The following PRL variants were observed in gnomAD, a reference collection of about 807,000 sequenced individuals.
PRL encodes decidual prolactin.
In PRL, 24 loss-of-function variants were observed where a neutral mutation model predicts 21.3. The ratio of observed to expected loss-of-function variants is 1.13; its 90% CI spans 0.82 to 1.59. The LOEUF is 1.59. Among genes scored for constraint, PRL ranks in the 40% most tolerant of loss-of-function variants. The pLI is 0.00. For missense variants in PRL, 243 were observed against 286.9 expected (o/e 0.85, Z 1.10); for synonymous variants, 118 against 115.7 (o/e 1.02, Z -0.13).
chr6:22,288,776 C>G lies in PRL; in HGVS notation c.493-1183G>C, dbSNP rs1561752974. Among the ~76,000 whole-genome samples the G allele has an allele frequency of 6.6e-6, 1 of 152,202 alleles. No homozygotes were observed. The highest frequency in any genetic ancestry group is 2.1e-4 in the South Asian group (1 of 4,828). ...GTTTGGAGAGTTATTAGGTATATAT[C>G]TGGATGTAGACGCCGATCTGCTAAA... On this transcript the variant is annotated intron_variant, in intron 4 of 4. Coordinates refer to ENST00000306482, the MANE Select transcript of PRL (RefSeq NM_000948.6). The surrounding 1 kb of genome is among the most constrained non-coding windows in gnomAD (Gnocchi z 4.5).
At chr6:22,294,011 G>T (rs560150564) in intron 2 of PRL, among the ~76,000 whole-genome samples, 89 of 152,284 alleles carry the variant, frequency 5.8e-4, no homozygotes, top group African/African-American at 1.9e-3. Context: ...CCAATTTGCT[G>T]CAGTGCAGTT....
At position 22,294,416 on chromosome 6, in the gene PRL, C is replaced by T. The variant is rs1239511105; in HGVS notation, c.197G>A (p.Ser66Asn). The change falls in exon 2 of 5, where the codon AGC becomes AAC. Residue 66 changes from serine (S) to asparagine (N), a missense_variant. Physicochemically the swap from Ser to Asn is conservative, Grantham distance 46. Coordinates refer to ENST00000306482, the MANE Select transcript of PRL (RefSeq NM_000948.6). ...YIHNLSSEMF[S>N]EFDKRYTHGR... Reference sequence around the variant, plus strand: ...CAGAAGCATGGTACTTACGAATTCGCTGAACATTTCTGAGGAGAGGTTATG... The same window carrying T: ...CAGAAGCATGGTACTTACGAATTCGTTGAACATTTCTGAGGAGAGGTTATG... 6.2e-7 allele frequency: 1 copy of T among 1,614,146 alleles called. No individual in the cohort carries two copies. The highest frequency in any genetic ancestry group is 1.7e-5 in the Admixed American group (1 of 60,018).
At chr6:22,302,504 G>A (rs73391405) in intron 1 of PRL, among the ~76,000 whole-genome samples, 1,862 of 152,154 alleles carry the variant, frequency 0.012, 30 homozygotes, top group African/African-American at 0.042. Context: ...AAGAGATTCC[G>A]TTTCTTGCCC....
chr6:22,293,562 T>A (rs1462174727), intron 2 of PRL, among the ~76,000 whole-genome samples: 1 of 142,880 alleles, frequency 7.0e-6, no homozygotes, highest in African/African-American at 2.6e-5. Flanking sequence ...TACATATTTC[T>A]GAAAAAGAAA....
upstream of PRL, among the ~76,000 whole-genome samples, chr6:22,300,741 C>T (rs1761268765): frequency 6.6e-6 from 1 of 152,200 alleles, no homozygotes; most frequent in South Asian, 2.1e-4. Context: ...AATCTGTTGT[C>T]AGTGCCTTGA....
At chr6:22,299,890 A>G (rs145107188), upstream of PRL, among the ~76,000 whole-genome samples, 10 of 152,292 alleles carry the variant, frequency 6.6e-5, no homozygotes, top group African/African-American at 2.4e-4. Flanking sequence ...TCTACTGCAA[A>G]ATATGCTAAG....
intron 4 of PRL, 31 bp from the exon 5 acceptor site, chr6:22,287,624 T>A: frequency 1.3e-6 from 2 of 1,513,694 alleles, no homozygotes; most frequent in Non-Finnish European, 1.8e-6. Flanking sequence ...TGACTTATTC[T>A]TCATATTATT....
At chr6:22,299,686 A>T (rs1761248071), upstream of PRL, among the ~76,000 whole-genome samples, 2 of 152,104 alleles carry the variant, frequency 1.3e-5, no homozygotes, top group African/African-American at 4.8e-5. Flanking sequence ...TAAAAATACA[A>T]AAATTAGCTA....
In PRL at chr6:22,294,532, G is replaced by A. The variant is rs747885586; in HGVS notation, c.81C>T (p.Ala27=). The change falls in exon 2 of 5, where the codon GCC becomes GCT. Residue 27 remains alanine (A), a synonymous_variant. Coordinates refer to ENST00000306482, the MANE Select transcript of PRL (RefSeq NM_000948.6). ...CCCCGCCGGGACAGATGGGCAAGGGGGCCACGCTCTGGCACAGGAGCAGGT... is the reference window on the plus strand; with the variant it reads ...CCCCGCCGGGACAGATGGGCAAGGGAGCCACGCTCTGGCACAGGAGCAGGT... ...VSNLLLCQSV[A]PLPICPGGAA... 8 of 1,613,654 alleles carry A rather than the reference G, an allele frequency of 5.0e-6. No homozygotes were observed. In the South Asian group the frequency reaches 7.7e-5, roughly 16 times the overall value.
chr6:22,297,055 T>C (rs1761195086), upstream of PRL: 1 of 1,515,226 alleles, frequency 6.6e-7, no homozygotes, highest in South Asian at 1.2e-5. Context: ...CTTTCCCAGA[T>C]ATTGGCTTTA....
At chr6:22,297,766 A>G (rs986940729), upstream of PRL, among the ~76,000 whole-genome samples, 5 of 152,224 alleles carry the variant, frequency 3.3e-5, no homozygotes, top group Non-Finnish European at 7.3e-5. Flanking sequence ...AAGCTTGGAG[A>G]GACTAAAGGT....
rs11967358 is a variant in PRL at position 22,294,170 on chromosome 6, A to T, written c.204+239T>A. Among the ~76,000 whole-genome samples, 1,468 of 152,290 alleles carry T rather than the reference A, an allele frequency of 9.6e-3. 19 individuals carry two copies. The highest frequency in any genetic ancestry group is 0.032 in the African/African-American group (1,334 of 41,556). On this transcript the variant is annotated intron_variant, in intron 2 of 4. Transcript: ENST00000306482. Reference sequence around the variant, plus strand: ...CAGGTGTTTAAATTTTTTTATTTTTAAAAAATAAAGTGAATTAAAGAAAAA... The same window carrying T: ...CAGGTGTTTAAATTTTTTTATTTTTTAAAAATAAAGTGAATTAAAGAAAAA...
intron 1 of PRL, among the ~76,000 whole-genome samples, chr6:22,296,004 G>C (rs1761165240): frequency 6.6e-6 from 1 of 152,128 alleles, no homozygotes; most frequent in Admixed American, 6.5e-5. Flanking sequence ...TCAAAAACAT[G>C]ATTCTTCCAA....
intron 4 of PRL, 59 bp downstream of exon 4, chr6:22,290,115 C>A: frequency 7.1e-7 from 1 of 1,411,544 alleles, no homozygotes; most frequent in Non-Finnish European, 9.4e-7. Flanking sequence ...TATTTATCAT[C>A]ACAGAGGTCA....
chr6:22,288,207 C>T lies in PRL; in HGVS notation c.493-614G>A, dbSNP rs1168581778. On this transcript the variant is annotated intron_variant, in intron 4 of 4. Transcript: ENST00000306482. The surrounding 1 kb of genome is among the most constrained non-coding windows in gnomAD (Gnocchi z 4.5). The stretch of plus-strand genomic sequence containing the variant: ...GGAAACAATTGCTTTCTTTTGAGGT[C>T]CCTGGGCTGGGAGGTGCCGGGAAAA... Among the ~76,000 whole-genome samples the T allele has an allele frequency of 6.6e-6, 1 of 152,000 alleles. No homozygotes were observed. The highest frequency in any genetic ancestry group is 1.5e-5 in the Non-Finnish European group (1 of 68,014).
chr6:22,300,192 C>A (rs1284163625), upstream of PRL, among the ~76,000 whole-genome samples: 1 of 152,098 alleles, frequency 6.6e-6, no homozygotes. Context: ...TTAGAATAAG[C>A]AAAATGCAAT....
At chr6:22,290,024 A>T (rs1761011843) in intron 4 of PRL, 150 bp downstream of exon 4, 9 of 660,436 alleles carry the variant, frequency 1.4e-5, no homozygotes. Flanking sequence ...TAAATTTATG[A>T]CTATGAATGA....
chr6:22,297,535 T>C (rs1761204034), upstream of PRL: 1 of 152,472 alleles, frequency 6.6e-6, no homozygotes, highest in Non-Finnish European at 1.5e-5. Flanking sequence ...CCTGTTACAC[T>C]GTCATTAAAT....
chr6:22,301,129 G>A (rs1239742330), upstream of PRL, among the ~76,000 whole-genome samples: 2 of 152,168 alleles, frequency 1.3e-5, no homozygotes, highest in Non-Finnish European at 2.9e-5. Flanking sequence ...CTGTCCATGT[G>A]CACAGGCACA....
Sources: gnomAD v4.1 joint callset for allele counts (sites outside exome capture counted in the v4.1 genomes callset) on GRCh38, gnomAD v4.1.1 for gene constraint, Gnocchi (gnomAD v3.1) non-coding constraint, MANE v1.5 for transcripts, NCBI Gene and HGNC (gene_info 2026-07-23, HGNC 2026-07-21) for gene names.